Variants in CPD observed in about 807,000 individuals in gnomAD.
The protein encoded by CPD is carboxypeptidase D, also known as metallocarboxypeptidase D.
A neutral mutation model predicts 138.3 loss-of-function variants in CPD; 69 were observed. That is an observed-to-expected ratio of 0.50 (90% confidence interval 0.41 to 0.61). The LOEUF (loss-of-function observed/expected upper bound fraction) is 0.61. CPD is among the 20% of genes least tolerant of loss of function. CPD has a pLI of 0.00. For missense variants in CPD, 1,432 were observed against 1,733.3 expected (o/e 0.83, Z 3.09); for synonymous variants, 651 against 642.1 (o/e 1.01, Z -0.21).
At chr17:30,446,105 A>G in intron 12 of CPD, 85 bp downstream of exon 12, 2 of 977,576 alleles carry the variant, frequency 2.0e-6, no homozygotes, top group South Asian at 3.4e-5. Context: ...TAATTTATAT[A>G]GAAATATTTG....
In CPD at chr17:30,422,714, G is replaced by A; in HGVS notation, c.1348G>A (p.Gly450Arg). 6.2e-7 allele frequency: 1 copy of A among 1,613,606 alleles called. No homozygotes were observed. Among genetic ancestry groups the A allele is most frequent in the Non-Finnish European group, 8.5e-7 (1 of 1,179,782 alleles). ...LTVTNVVVKE[G>R]PATEVDFSLR... Reference sequence around the variant, plus strand: ...TGTTACTAATGTAGTGGTGAAAGAAGGACCAGCCACAGAGGTGGATTTTTC... The same window carrying A: ...TGTTACTAATGTAGTGGTGAAAGAAAGACCAGCCACAGAGGTGGATTTTTC... Residue 450 changes from glycine (G) to arginine (R), a missense_variant, in exon 5 of 21, where the codon GGA becomes AGA. Physicochemically the swap from Gly to Arg is moderately radical, Grantham distance 125. Transcript: ENST00000225719.
chr17:30,396,690 A>G (rs1397079278), intron 2 of CPD, among the ~76,000 whole-genome samples: 1 of 152,202 alleles, frequency 6.6e-6, no homozygotes, highest in Non-Finnish European at 1.5e-5. Flanking sequence ...ATCCGTAACA[A>G]TTAGCATTGG....
intron 6 of CPD, 41 bp downstream of exon 6, chr17:30,423,738 A>G (rs368699869): frequency 7.4e-7 from 1 of 1,348,420 alleles, no homozygotes; most frequent in South Asian, 1.7e-5. Context: ...TGATCATCAT[A>G]TAGAATGATT....
At chr17:30,380,659 A>G (rs762250513) in intron 1 of CPD, 2 of 1,495,608 alleles carry the variant, frequency 1.3e-6, no homozygotes, top group Admixed American at 2.0e-5. Context: ...TGGTGTACCC[A>G]GTTAAACTTT....
At chr17:30,432,275 A>G (rs1912584118) in intron 8 of CPD, among the ~76,000 whole-genome samples, 1 of 152,190 alleles carries the variant, frequency 6.6e-6, no homozygotes, top group Non-Finnish European at 1.5e-5. Flanking sequence ...ATTTTTATAT[A>G]TTGTGTGTGG....
chr17:30,419,391 G>T (rs1354284251), intron 2 of CPD, among the ~76,000 whole-genome samples: 1 of 152,192 alleles, frequency 6.6e-6, no homozygotes, highest in Non-Finnish European at 1.5e-5. Flanking sequence ...CCAGGCTGGA[G>T]TGCAGTGGCA....
chr17:30,430,460 T>G lies in CPD; in HGVS notation c.2018-1312T>G, dbSNP rs1380654315. Among the ~76,000 whole-genome samples the G allele has an allele frequency of 2.6e-5, 4 of 152,208 alleles. No individual in the cohort carries two copies. In the East Asian group the frequency reaches 7.7e-4, roughly 29 times the overall value. On this transcript the variant is annotated intron_variant, in intron 7 of 20. Transcript: ENST00000225719. ...AGGTTCACTCATGTTGTGGCATATA[T>G]CAGTACTTCATTCCTTTCTATGGTT...
chr17:30,459,468 C>T (rs921926080), intron 17 of CPD, among the ~76,000 whole-genome samples: 2 of 150,976 alleles, frequency 1.3e-5, no homozygotes, highest in Middle Eastern at 3.4e-3. Context: ...TGAGAACATG[C>T]GGTGTTTGGT....
rs1913600672 is a variant in CPD at position 30,465,117 on chromosome 17, A to G, written c.*303A>G. 3.4e-6 allele frequency: 1 copy of G among 297,610 alleles called. No homozygotes were observed. The highest frequency in any genetic ancestry group is 7.4e-5 in the East Asian group (1 of 13,532). The allele number at this position is 297,610 out of a possible 1,614,324, so 18.4% of individuals were successfully genotyped here. ...ATAATGGCATAAAGCCAACTAGAGG[A>G]TGTTGTATTTTGCACATCAGATGTT... On this transcript the variant is annotated 3_prime_UTR_variant, in exon 21 of 21. Coordinates refer to ENST00000225719, the MANE Select transcript of CPD (RefSeq NM_001304.5).
chr17:30,406,183 A>C (rs551701632), intron 2 of CPD, among the ~76,000 whole-genome samples: 2 of 151,936 alleles, frequency 1.3e-5, no homozygotes, highest in African/African-American at 4.8e-5. Context: ...TCAAAGAAAA[A>C]TTTGGGGACT....
chr17:30,455,278 T>G (rs1273358248), intron 14 of CPD, 61 bp from the exon 15 acceptor site: 6 of 1,356,246 alleles, frequency 4.4e-6, no homozygotes, highest in South Asian at 1.4e-5. Flanking sequence ...GAATATTTTC[T>G]TAGATACTCA....
intron 20 of CPD, 114 bp downstream of exon 20, chr17:30,462,583 G>A (rs1913518314): frequency 1.4e-6 from 1 of 701,658 alleles, no homozygotes; most frequent in African/African-American, 1.8e-5. Flanking sequence ...GTCTTCTAAT[G>A]TCTCCTTATC....
intron 2 of CPD, among the ~76,000 whole-genome samples, chr17:30,394,765 G>A (rs1047013637): frequency 6.6e-6 from 1 of 152,146 alleles, no homozygotes; most frequent in Non-Finnish European, 1.5e-5. Flanking sequence ...CGTTTAAATA[G>A]CAGAACAGAA....
At chr17:30,416,577 T>C (rs1238568896) in intron 2 of CPD, among the ~76,000 whole-genome samples, 1 of 152,198 alleles carries the variant, frequency 6.6e-6, no homozygotes, top group Non-Finnish European at 1.5e-5. Context: ...GACCTCAACT[T>C]GTGCCATTCT....
intron 7 of CPD, among the ~76,000 whole-genome samples, chr17:30,431,154 T>C (rs1912553065): frequency 6.6e-6 from 1 of 152,240 alleles, no homozygotes; most frequent in Non-Finnish European, 1.5e-5. Flanking sequence ...TTATTATAGC[T>C]GTCCTAGTGG....
intron 1 of CPD, among the ~76,000 whole-genome samples, chr17:30,381,659 A>G (rs1233030672): frequency 6.6e-6 from 1 of 152,240 alleles, no homozygotes. Flanking sequence ...TAAAAACACA[A>G]GCACACACAC....
chr17:30,407,279 TG>T (rs1911826024), intron 2 of CPD, among the ~76,000 whole-genome samples: 1 of 152,210 alleles, frequency 6.6e-6, no homozygotes, highest in Non-Finnish European at 1.5e-5. Flanking sequence ...TAAACATACA[TG>T]TGCATGTGTC....
chr17:30,382,831 C>G (rs994608722), intron 1 of CPD, among the ~76,000 whole-genome samples: 5 of 152,062 alleles, frequency 3.3e-5, no homozygotes, highest in Non-Finnish European at 1.5e-5. Context: ...AATATGAATG[C>G]CCAGAGGGTA....
At chr17:30,418,904 G>A (rs543964522) in intron 2 of CPD, among the ~76,000 whole-genome samples, 41 of 152,150 alleles carry the variant, frequency 2.7e-4, no homozygotes, top group South Asian at 6.3e-4. Context: ...TAGAGTTCAC[G>A]GAGTCCTGGA....
Sources: gnomAD v4.1 joint callset for allele counts (sites outside exome capture counted in the v4.1 genomes callset) on GRCh38, gnomAD v4.1.1 for gene constraint, MANE v1.5 for transcripts, NCBI Gene and HGNC (gene_info 2026-07-23, HGNC 2026-07-21) for gene names.